The following DOCK9 variants were observed in gnomAD, a reference collection of about 807,000 sequenced individuals.
DOCK9 encodes the protein dedicator of cytokinesis protein 9.
A neutral mutation model predicts 263.3 loss-of-function variants in DOCK9; 89 were observed. That is an observed-to-expected ratio of 0.34 (90% CI 0.28 to 0.40). The LOEUF (loss-of-function observed/expected upper bound fraction) is 0.40, where lower values mean the gene tolerates loss of function less well. Ranked by LOEUF, DOCK9 falls within the 10% of genes least tolerant of loss-of-function variation. DOCK9 has a pLI of 1.00. For missense variants in DOCK9, 2,140 were observed against 2,603.4 expected (o/e 0.82, Z 3.87); for synonymous variants, 976 against 973.1 (o/e 1.00, Z -0.06).
chr13:98,875,886 C>A (rs2043752137), intron 27 of DOCK9, among the ~76,000 whole-genome samples: 1 of 152,126 alleles, frequency 6.6e-6, no homozygotes, highest in Non-Finnish European at 1.5e-5. Flanking sequence ...GTAAATGTAA[C>A]AATGTACAGT....
At chr13:99,001,446 G>A (rs560725215) in intron 1 of DOCK9, among the ~76,000 whole-genome samples, 54 of 152,284 alleles carry the variant, frequency 3.5e-4, no homozygotes, top group African/African-American at 1.2e-3. Flanking sequence ...TCACAGACTG[G>A]GGCCCTCATC....
intron 1 of DOCK9, chr13:98,959,258 T>G (rs2058383092): frequency 6.6e-6 from 1 of 152,260 alleles, no homozygotes; most frequent in Non-Finnish European, 1.5e-5. Flanking sequence ...AAAGACAGTT[T>G]ATAAGCCAAC....
chr13:98,899,052 ATTT>A (rs71683157), intron 13 of DOCK9, among the ~76,000 whole-genome samples: 9 of 140,382 alleles, frequency 6.4e-5, no homozygotes, highest in Admixed American at 1.4e-4. Context: ...ACATTACTTA[ATTT>A]TTTTTTTTTT....
intron 1 of DOCK9, among the ~76,000 whole-genome samples, chr13:99,062,635 T>C (rs780928404): frequency 3.3e-5 from 5 of 152,206 alleles, no homozygotes; most frequent in South Asian, 4.1e-4. Context: ...CAACAGGATA[T>C]CGCCATCCGC....
intron 39 of DOCK9, among the ~76,000 whole-genome samples, chr13:98,832,503 C>A (rs2092805046): frequency 6.6e-6 from 1 of 152,108 alleles, no homozygotes; most frequent in African/African-American, 2.4e-5. Flanking sequence ...TTTTACTTAT[C>A]AAAGAAAACA....
upstream of DOCK9, among the ~76,000 whole-genome samples, chr13:98,982,615 C>T (rs1259681824): frequency 4.6e-5 from 7 of 152,330 alleles, no homozygotes; most frequent in East Asian, 9.6e-4. Context: ...AAAGCACTCA[C>T]GATGTATTTG....
chr13:98,847,592 C>T (rs1236453754), intron 37 of DOCK9: 4 of 151,844 alleles, frequency 2.6e-5, no homozygotes, highest in Non-Finnish European at 5.9e-5. Flanking sequence ...CTCAAATATC[C>T]CCAGAAAAGA....
Position 98,888,033 on chromosome 13 carries a change from T to C in DOCK9, c.2043+125A>G, listed in dbSNP as rs1425275095. On this transcript the variant is annotated intron_variant, in intron 18 of 52. Transcript: ENST00000682017. ...TATATGTTTATACATTGTAACATTA[T>C]ATATTTTTGATTTGTGTCAATTAAA... is the stretch of plus-strand genomic sequence containing the variant. The C allele has an allele frequency of 1.5e-5, 10 of 651,788 alleles. No individual in the cohort carries two copies. The East Asian group carries it at 2.2e-4, about 14-fold the overall frequency. 40.4% of individuals were successfully genotyped at this position (651,788 alleles called of 1,614,324 possible).
chr13:98,831,179 T>C (rs954394102), intron 41 of DOCK9, among the ~76,000 whole-genome samples, 169 bp downstream of exon 41: 5 of 152,232 alleles, frequency 3.3e-5, no homozygotes, highest in Non-Finnish European at 5.9e-5. Flanking sequence ...CCATATCTTA[T>C]AGTAATGGAA....
intron 1 of DOCK9, among the ~76,000 whole-genome samples, chr13:98,986,634 T>C (rs1386237768): frequency 1.3e-5 from 2 of 152,212 alleles, no homozygotes; most frequent in African/African-American, 4.8e-5. Flanking sequence ...AGATGATGTA[T>C]CCCTTTCTCA....
At chr13:98,893,561 AG>A (rs1454928990) in intron 15 of DOCK9, among the ~76,000 whole-genome samples, 1 of 152,186 alleles carries the variant, frequency 6.6e-6, no homozygotes, top group East Asian at 1.9e-4. Context: ...CAAGGGAAAA[AG>A]GAAAGTGGCT....
chr13:98,989,134 A>C (rs551481954), intron 1 of DOCK9, among the ~76,000 whole-genome samples: 14 of 152,148 alleles, frequency 9.2e-5, no homozygotes, highest in African/African-American at 3.4e-4. Context: ...TAACCTGTCA[A>C]ATGCCTACTC....
chr13:99,086,207 G>A (rs2042335961), intron 1 of DOCK9: 9 of 1,484,932 alleles, frequency 6.1e-6, no homozygotes, highest in East Asian at 2.9e-5. Flanking sequence ...CCGGCCCGCG[G>A]TCGTCCCGCA....
chr13:98,903,616 AAAAGAC>A (rs1276323174), intron 10 of DOCK9, among the ~76,000 whole-genome samples: 2 of 85,476 alleles, frequency 2.3e-5, no homozygotes. Flanking sequence ...AAAAAAAAAA[AAAAGAC>A]AAAAAAAAAA....
chr13:99,050,598 CAGG>C (rs1431158769), intron 1 of DOCK9, among the ~76,000 whole-genome samples: 2 of 152,160 alleles, frequency 1.3e-5, no homozygotes, highest in Non-Finnish European at 2.9e-5. Context: ...GAGGTTGAGG[CAGG>C]AGAATAGCTT....
At chr13:99,021,463 C>A (rs907690122) in intron 1 of DOCK9, among the ~76,000 whole-genome samples, 4 of 151,992 alleles carry the variant, frequency 2.6e-5, no homozygotes, top group African/African-American at 9.7e-5. Flanking sequence ...CACGGTGAAA[C>A]CCTGTCTGTA....
intron 1 of DOCK9, among the ~76,000 whole-genome samples, chr13:99,082,927 A>G (rs1450264199): frequency 2.6e-5 from 4 of 152,200 alleles, no homozygotes; most frequent in African/African-American, 9.7e-5. Flanking sequence ...ATTAAAACCC[A>G]GAAGTCCTGA....
chr13:98,949,830 G>A, intron 2 of DOCK9: 1 of 475,680 alleles, frequency 2.1e-6, no homozygotes, highest in Non-Finnish European at 4.1e-6. Flanking sequence ...GAGGTGGAAA[G>A]GGTGCAAGAC....
intron 43 of DOCK9, among the ~76,000 whole-genome samples, chr13:98,828,826 C>A (rs754694482): frequency 5.9e-5 from 9 of 152,054 alleles, no homozygotes; most frequent in Non-Finnish European, 8.8e-5. Flanking sequence ...GTACTGGAGC[C>A]CACACACCCA....
Sources: gnomAD v4.1 joint callset for allele counts (sites outside exome capture counted in the v4.1 genomes callset) on GRCh38, gnomAD v4.1.1 for gene constraint, MANE v1.5 for transcripts, NCBI Gene and HGNC (gene_info 2026-07-23, HGNC 2026-07-21) for gene names.